Variants in RALGAPA1 observed in about 807,000 individuals in gnomAD.
The protein encoded by RALGAPA1 is Ral GTPase activating protein catalytic subunit alpha 1.
RALGAPA1 carries 52 observed loss-of-function variants against 269.6 expected under a neutral mutation model. That is an observed-to-expected ratio of 0.19 (90% CI 0.15 to 0.24). RALGAPA1 has a LOEUF of 0.24. Among genes scored for constraint, RALGAPA1 ranks in the 10% least tolerant of loss-of-function variants. The pLI is 1.00. For synonymous variants in RALGAPA1, 817 were observed against 1,008.3 expected (o/e 0.81, Z 3.60); for missense variants, 1,917 against 3,013.9 (o/e 0.64, Z 8.52).
At chr14:35,754,145 T>G (rs1383567805) in intron 7 of RALGAPA1, among the ~76,000 whole-genome samples, 1 of 152,060 alleles carries the variant, frequency 6.6e-6, no homozygotes, top group Admixed American at 6.6e-5. Context: ...ACTATAAAAC[T>G]TCAAGAACAA....
intron 16 of RALGAPA1, among the ~76,000 whole-genome samples, chr14:35,716,802 TTA>T (rs1391894663): frequency 1.3e-5 from 2 of 152,202 alleles, no homozygotes; most frequent in Non-Finnish European, 2.9e-5. Context: ...CTAATTTTAA[TTA>T]TTTTCTCTTG....
chr14:35,542,124 T>C (rs930823506), intron 41 of RALGAPA1: 1 of 609,488 alleles, frequency 1.6e-6, no homozygotes, highest in African/African-American at 1.9e-5. Flanking sequence ...TTCACTGTAC[T>C]GTTGGCATGT....
At chr14:35,687,711 C>T (rs2066075133) in intron 18 of RALGAPA1, among the ~76,000 whole-genome samples, 3 of 152,070 alleles carry the variant, frequency 2.0e-5, no homozygotes, top group Admixed American at 2.0e-4. Context: ...GTTATCTGTC[C>T]ATAGAGGTTC....
rs1239216802 is a variant in RALGAPA1, at chr14:35,635,453, A to T, written c.5811+11T>A. The T allele has an allele frequency of 6.3e-7, 1 of 1,578,658 alleles. No individual in the cohort carries two copies. The highest frequency in any genetic ancestry group is 1.9e-5 in the Admixed American group (1 of 52,598). On this transcript the variant is annotated intron_variant, in intron 32 of 41. Transcript: ENST00000680220. Reference sequence around the variant, plus strand: ...TGGTTACCAAATAAATAATAAAGCAAGGAAGTTTACCTTATAAATGCAATT... The same window carrying T: ...TGGTTACCAAATAAATAATAAAGCATGGAAGTTTACCTTATAAATGCAATT...
At chr14:35,736,599 A>G (rs1004803843) in intron 12 of RALGAPA1, among the ~76,000 whole-genome samples, 4 of 152,198 alleles carry the variant, frequency 2.6e-5, no homozygotes, top group African/African-American at 7.2e-5. Flanking sequence ...GAGGCCAAGC[A>G]AAGAAGCATT....
intron 24 of RALGAPA1, among the ~76,000 whole-genome samples, chr14:35,673,684 G>A (rs1254666196): frequency 1.3e-5 from 2 of 152,120 alleles, no homozygotes; most frequent in African/African-American, 2.4e-5. Context: ...ATGTTCAAGC[G>A]ATTCTCCTGC....
intron 26 of RALGAPA1, among the ~76,000 whole-genome samples, chr14:35,667,173 G>A (rs986923308): frequency 6.6e-6 from 1 of 152,018 alleles, no homozygotes; most frequent in Non-Finnish European, 1.5e-5. Context: ...AGGCTGAGGC[G>A]GGCGGATCAC....
At chr14:35,774,291 T>C (rs1296095078) in intron 3 of RALGAPA1, among the ~76,000 whole-genome samples, 1 of 152,210 alleles carries the variant, frequency 6.6e-6, no homozygotes, top group Non-Finnish European at 1.5e-5. Flanking sequence ...TTATTTTCTA[T>C]GCATATTCCT....
intron 16 of RALGAPA1, among the ~76,000 whole-genome samples, chr14:35,719,745 C>G (rs1330088962): frequency 1.3e-5 from 2 of 151,980 alleles, no homozygotes; most frequent in African/African-American, 4.8e-5. Context: ...AGAACAATTT[C>G]TTCTTTTTTT....
chr14:35,772,868 A>G (rs2074737648), intron 3 of RALGAPA1, among the ~76,000 whole-genome samples: 1 of 152,170 alleles, frequency 6.6e-6, no homozygotes, highest in Admixed American at 6.6e-5. Flanking sequence ...TGCATATTTT[A>G]TATTTCCTTG....
At chr14:35,551,623 G>A (rs944818763) in intron 39 of RALGAPA1, among the ~76,000 whole-genome samples, 12 of 152,056 alleles carry the variant, frequency 7.9e-5, no homozygotes, top group African/African-American at 2.9e-4. Flanking sequence ...TAGGCAGAAA[G>A]AAAGCAAATG....
intron 13 of RALGAPA1, among the ~76,000 whole-genome samples, chr14:35,727,258 G>T (rs1444160625): frequency 6.8e-6 from 1 of 146,694 alleles, no homozygotes; most frequent in Non-Finnish European, 1.5e-5. Context: ...CCTCAAAACA[G>T]AGAGAAATAA....
At position 35,752,098 on chromosome 14, in the gene RALGAPA1, T is replaced by A. The variant is rs747184494; in HGVS notation, c.728A>T (p.His243Leu). ...QERGFSFLFS[H>L]FKKYYLPYIF... ...ATAAGGCAAGTAATATTTCTTAAAA[T>A]GTGAAAACAAAAATGAAAATCCCCT... Residue 243 changes from histidine to leucine, a missense_variant, in exon 8 of 42, where the codon CAT (histidine) becomes CTT (leucine). His to Leu is a moderately conservative substitution (Grantham distance 99). Transcript: ENST00000680220. 3 of 1,586,396 alleles carry A rather than the reference T, an allele frequency of 1.9e-6. No homozygotes were observed. Among genetic ancestry groups the A allele is most frequent in the South Asian group, 2.4e-5 (2 of 85,078 alleles).
At chr14:35,668,062 A>G (rs1307824751) in intron 26 of RALGAPA1, among the ~76,000 whole-genome samples, 2 of 152,254 alleles carry the variant, frequency 1.3e-5, no homozygotes, top group East Asian at 3.8e-4. Context: ...AGAAAGACAA[A>G]TGCCACATGT....
At chr14:35,622,930 C>T (rs1390166921) in intron 35 of RALGAPA1, among the ~76,000 whole-genome samples, 2 of 152,032 alleles carry the variant, frequency 1.3e-5, no homozygotes, top group African/African-American at 2.4e-5. Flanking sequence ...AAAACCCTGT[C>T]TCTTATACTA....
chr14:35,540,853 A>T (rs973325187), intron 41 of RALGAPA1, among the ~76,000 whole-genome samples: 4 of 152,142 alleles, frequency 2.6e-5, no homozygotes, highest in African/African-American at 9.7e-5. Flanking sequence ...TTGTTAGCCA[A>T]TGTAGCACCT....
intron 19 of RALGAPA1, among the ~76,000 whole-genome samples, chr14:35,685,465 G>A (rs2065840804): frequency 6.6e-6 from 1 of 151,988 alleles, no homozygotes; most frequent in Non-Finnish European, 1.5e-5. Context: ...AAAAGACAGT[G>A]GAAGAGTGGA....
chr14:35,539,983 C>G (rs2053820225), intron 41 of RALGAPA1, among the ~76,000 whole-genome samples: 2 of 152,024 alleles, frequency 1.3e-5, no homozygotes, highest in African/African-American at 4.8e-5. Flanking sequence ...AACAGGGATC[C>G]AAAGCACCAT....
intron 38 of RALGAPA1, among the ~76,000 whole-genome samples, chr14:35,571,100 C>T (rs2057152702): frequency 6.6e-6 from 1 of 152,128 alleles, no homozygotes; most frequent in Non-Finnish European, 1.5e-5. Flanking sequence ...AAAATATATA[C>T]TTATAGGCAA....
Sources: allele counts gnomAD v4.1 joint callset (sites outside exome capture counted in the v4.1 genomes callset), GRCh38; gene constraint gnomAD v4.1.1; transcripts MANE v1.5; gene names NCBI Gene and HGNC (gene_info 2026-07-23, HGNC 2026-07-21).